TNFRSF10B: variants seen among roughly 807,000 people sequenced by gnomAD.
TNFRSF10B encodes the protein TNF receptor superfamily member 10b.
In TNFRSF10B, 35 loss-of-function variants were observed where a neutral mutation model predicts 41.4. The observed-to-expected ratio is 0.85, with a 90% confidence interval of 0.65 to 1.12. TNFRSF10B has a LOEUF of 1.12. Among genes scored for constraint, TNFRSF10B ranks in the 50% most tolerant of loss-of-function variants. The pLI, the probability that TNFRSF10B is intolerant of heterozygous loss-of-function variation, is 0.00. For missense variants in TNFRSF10B, 584 were observed against 552.7 expected (o/e 1.06, Z -0.57); for synonymous variants, 230 against 215.5 (o/e 1.07, Z -0.59).
intron 1 of TNFRSF10B, among the ~76,000 whole-genome samples, chr8:23,058,547 A>G (rs762058696): frequency 6.6e-6 from 1 of 151,248 alleles, no homozygotes; most frequent in Non-Finnish European, 1.5e-5. Context: ...GTGCCATGGC[A>G]CAATCTCGGC....
At chr8:23,054,191 G>A (rs1022129092) in intron 1 of TNFRSF10B, among the ~76,000 whole-genome samples, 9 of 151,266 alleles carry the variant, frequency 5.9e-5, no homozygotes, top group Non-Finnish European at 1.3e-4. Context: ...GAGGAAAAAC[G>A]TTGATGACTC....
intron 1 of TNFRSF10B, among the ~76,000 whole-genome samples, chr8:23,053,193 T>A (rs755008281): frequency 6.6e-6 from 1 of 152,246 alleles, no homozygotes; most frequent in Non-Finnish European, 1.5e-5. Context: ...CTAGGACACA[T>A]GGAGCTAGAT....
At chr8:23,045,101 G>C (rs1014250141) in intron 1 of TNFRSF10B, among the ~76,000 whole-genome samples, 2 of 147,658 alleles carry the variant, frequency 1.4e-5, no homozygotes, top group African/African-American at 5.0e-5. Flanking sequence ...ATGGAGGTGT[G>C]CATCTGTAAT....
rs1392380873 is a variant in TNFRSF10B at position 23,022,742 on chromosome 8, T to G, written c.1252A>C (p.Ile418Leu). 2 of 1,613,944 alleles carry G rather than the reference T, an allele frequency of 1.2e-6. No individual in the cohort carries two copies. Among genetic ancestry groups the G allele is most frequent in the Non-Finnish European group, 8.5e-7 (1 of 1,179,968 alleles). Residue 418 changes from isoleucine to leucine, a missense_variant, in exon 9 of 9, where the codon ATT (isoleucine) becomes CTT (leucine). Physicochemically the swap from Ile to Leu is conservative, Grantham distance 5 (BLOSUM62 2). Transcript: ENST00000276431. The stretch of plus-strand genomic sequence containing the variant: ...CCAGAGCTCAACAAGTGGTCCTCAA[T>G]CTTCTGCTTGGCAAGTCTCTCTCCC... ...TLGERLAKQKIEDHLLSSGKF... is the reference protein window; with the variant it reads ...TLGERLAKQKLEDHLLSSGKF...
chr8:23,068,982 G>T lies in TNFRSF10B; in HGVS notation c.-88C>A, dbSNP rs1005056875. The T allele has an allele frequency of 3.7e-6, 6 of 1,601,104 alleles. No homozygotes were observed. Among genetic ancestry groups the T allele is most frequent in the Non-Finnish European group, 5.1e-6 (6 of 1,172,282 alleles). Reference sequence around the variant, plus strand: ...GGCATCGTCGGTGTATTTTGTGGGCGCAGAGATTGCGGGGTTCTCCGGCCG... The same window carrying T: ...GGCATCGTCGGTGTATTTTGTGGGCTCAGAGATTGCGGGGTTCTCCGGCCG... On this transcript the variant is annotated 5_prime_UTR_variant, in exon 1 of 9. Coordinates refer to ENST00000276431, the MANE Select transcript of TNFRSF10B (RefSeq NM_003842.5).
chr8:23,040,108 C>A (rs1812127045), intron 2 of TNFRSF10B, among the ~76,000 whole-genome samples: 1 of 151,384 alleles, frequency 6.6e-6, no homozygotes, highest in Non-Finnish European at 1.5e-5. Flanking sequence ...TTAAACCCAG[C>A]AGCCATAGGC....
In TNFRSF10B at chr8:23,068,898, G is replaced by A. The variant is rs758497317; in HGVS notation, c.-4C>T. ...CGTTCTGTCCCCGTTGTTCCATGGC[G>A]GTAGGGAACGCTCTTATAGTCTCTC... On this transcript the variant is annotated 5_prime_UTR_variant, in exon 1 of 9. Transcript: ENST00000276431. 1.6e-5 allele frequency: 26 copies of A among 1,613,318 alleles called. No homozygotes were observed. The African/African-American group carries it at 3.3e-4, about 21-fold the overall frequency.
intron 4 of TNFRSF10B, 53 bp downstream of exon 4, chr8:23,029,557 T>C: frequency 6.5e-7 from 1 of 1,533,270 alleles, no homozygotes; most frequent in African/African-American, 1.4e-5. Flanking sequence ...CAAGGAGACT[T>C]GGGTCTTTTG....
At chr8:23,027,651 C>G (rs1281569407) in intron 6 of TNFRSF10B, 71 bp downstream of exon 6, 2 of 1,607,094 alleles carry the variant, frequency 1.2e-6, no homozygotes, top group African/African-American at 1.3e-5. Flanking sequence ...GACCCACCCA[C>G]CCAGGTTCTG....
intron 1 of TNFRSF10B, among the ~76,000 whole-genome samples, chr8:23,059,124 T>C (rs2128820404): frequency 6.6e-6 from 1 of 152,334 alleles, no homozygotes; most frequent in Non-Finnish European, 1.5e-5. Context: ...ATGAATGGCA[T>C]TTTACTGAGC....
At position 23,034,572 on chromosome 8, in the gene TNFRSF10B, A is replaced by T. The variant is rs115995819; in HGVS notation, c.251-3700T>A. Reference sequence around the variant, plus strand: ...TGAGACTCCATCTGTACACACACATACAAAATTATCCAGGTATGACAGTAC... The same window carrying T: ...TGAGACTCCATCTGTACACACACATTCAAAATTATCCAGGTATGACAGTAC... On this transcript the variant is annotated intron_variant, in intron 2 of 8. Coordinates refer to ENST00000276431, the MANE Select transcript of TNFRSF10B (RefSeq NM_003842.5). Among the ~76,000 whole-genome samples, 699 of 152,288 alleles carry T rather than the reference A, an allele frequency of 4.6e-3. 5 individuals are homozygous for T. Among genetic ancestry groups the T allele is most frequent in the African/African-American group, 0.016 (659 of 41,548 alleles).
chr8:23,050,078 T>C (rs1812482671), intron 1 of TNFRSF10B, among the ~76,000 whole-genome samples: 1 of 152,226 alleles, frequency 6.6e-6, no homozygotes, highest in African/African-American at 2.4e-5. Flanking sequence ...GGAGCGGACG[T>C]GCTCAAAGGG....
intron 1 of TNFRSF10B, among the ~76,000 whole-genome samples, chr8:23,052,155 G>T (rs1356086357): frequency 6.6e-6 from 1 of 151,890 alleles, no homozygotes; most frequent in Non-Finnish European, 1.5e-5. Context: ...ATACTCATAA[G>T]TAAACTTGTC....
chr8:23,043,385 T>C (rs888451274), intron 1 of TNFRSF10B, 142 bp from the exon 2 acceptor site: 89 of 665,366 alleles, frequency 1.3e-4, no homozygotes, highest in Middle Eastern at 6.6e-4. Context: ...CAAACATCCT[T>C]TAGTGTTTGT....
chr8:23,043,306 C>T, intron 1 of TNFRSF10B, 63 bp from the exon 2 acceptor site: 1 of 1,360,030 alleles, frequency 7.4e-7, no homozygotes, highest in Middle Eastern at 1.8e-4. Flanking sequence ...CCAGGATCCA[C>T]TCACATTCTC....
rs1811693682 is a variant in TNFRSF10B, at chr8:23,026,066, A to C, written c.936+1067T>G. On this transcript the variant is annotated intron_variant, in intron 7 of 8. Transcript: ENST00000276431. ...ACTCCAGCCCAGGTGATAGAGCAAGATCCTGTCTCAAAAAAAAAAATCTTC... is the reference window on the plus strand; with the variant it reads ...ACTCCAGCCCAGGTGATAGAGCAAGCTCCTGTCTCAAAAAAAAAAATCTTC... Among the ~76,000 whole-genome samples, 4 of 152,124 alleles carry C rather than the reference A, an allele frequency of 2.6e-5. No homozygotes were observed. The South Asian group carries it at 6.2e-4, about 24-fold the overall frequency.
At chr8:23,043,109 C>G (rs767936638) in intron 2 of TNFRSF10B, 29 bp downstream of exon 2, 1 of 1,598,852 alleles carries the variant, frequency 6.3e-7, no homozygotes, top group Non-Finnish European at 8.6e-7. Flanking sequence ...GGAGGAGGGG[C>G]AAGGATTAGA....
In TNFRSF10B at chr8:23,030,852, C is replaced by T. The variant is rs1316550648; in HGVS notation, c.271G>A (p.Gly91Ser). ...TATTTGCAGGAGATGCAATCTCTAC[C>T]GTCTTCTGAGATATGGTGTCCTGGG... ...CPPGHHISED[G>S]RDCISCKYGQ... Residue 91 changes from glycine to serine, a missense_variant, in exon 3 of 9, where the codon GGT becomes AGT. Transcript: ENST00000276431. 9 of 1,611,150 alleles carry T rather than the reference C, an allele frequency of 5.6e-6. No individual in the cohort carries two copies. Among genetic ancestry groups the T allele is most frequent in the South Asian group, 3.3e-5 (3 of 90,636 alleles).
chr8:23,058,396 AT>A (rs774813745), intron 1 of TNFRSF10B, among the ~76,000 whole-genome samples: 11 of 152,114 alleles, frequency 7.2e-5, no homozygotes, highest in Non-Finnish European at 1.6e-4. Context: ...AATTTTACCA[AT>A]TTTTGTCCAT....
Sources: gnomAD v4.1 joint callset for allele counts (sites outside exome capture counted in the v4.1 genomes callset) on GRCh38, gnomAD v4.1.1 for gene constraint, MANE v1.5 for transcripts, NCBI Gene and HGNC (gene_info 2026-07-23, HGNC 2026-07-21) for gene names.